Variants in BCAS3 observed in about 807,000 individuals in gnomAD.
BCAS3 encodes BCAS4/BCAS3 fusion.
In BCAS3, 53 loss-of-function variants were observed where a neutral mutation model predicts 116.1. The observed-to-expected ratio is 0.46, with a 90% CI of 0.37 to 0.57. The LOEUF is 0.57. BCAS3 is among the 20% of genes least tolerant of loss of function. The pLI is 0.00. For missense variants in BCAS3, 917 were observed against 1,165.4 expected (o/e 0.79, Z 3.10); for synonymous variants, 391 against 408.2 (o/e 0.96, Z 0.51).
intron 22 of BCAS3, among the ~76,000 whole-genome samples, chr17:61,267,089 G>A (rs566334317): frequency 5.3e-5 from 8 of 152,200 alleles, no homozygotes; most frequent in East Asian, 3.9e-4. Flanking sequence ...ACGGAGTCTC[G>A]CTCTGTCGCC....
intron 22 of BCAS3, among the ~76,000 whole-genome samples, chr17:61,293,565 C>G (rs1354685091): frequency 6.6e-6 from 1 of 152,188 alleles, no homozygotes; most frequent in African/African-American, 2.4e-5. Flanking sequence ...TCTTCATATT[C>G]TGTCACTTGG....
chr17:60,822,100 A>G (rs890412127), intron 7 of BCAS3, among the ~76,000 whole-genome samples: 28 of 152,210 alleles, frequency 1.8e-4, no homozygotes, highest in South Asian at 2.1e-4. Context: ...ATAGACATAC[A>G]TATTTCCTTT....
rs1248324544 is a variant in BCAS3, at chr17:61,265,563, T to C, written c.2426-102764T>C. Among the ~76,000 whole-genome samples, 1 of 152,240 alleles carries C rather than the reference T, an allele frequency of 6.6e-6. No individual in the cohort carries two copies. Among genetic ancestry groups the C allele is most frequent in the Non-Finnish European group, 1.5e-5 (1 of 68,034 alleles). ...TTTCTGCTTCTGTGGGCCTGGTTTC[T>C]ACAATCTTGTTTGGCTACAATTCAT... On this transcript the variant is annotated intron_variant, in intron 22 of 23. Coordinates refer to ENST00000407086, the MANE Select transcript of BCAS3 (RefSeq NM_017679.5). The surrounding 1 kb of genome is among the most constrained non-coding windows in gnomAD (Gnocchi z 4.3).
intron 5 of BCAS3, among the ~76,000 whole-genome samples, chr17:60,717,037 G>T (rs958608549): frequency 1.3e-5 from 2 of 152,078 alleles, no homozygotes; most frequent in Non-Finnish European, 2.9e-5. Flanking sequence ...TAGGGTGGTT[G>T]TTGTTGCTGT....
In BCAS3 at chr17:61,037,430, T is replaced by C. The variant is rs149490797; in HGVS notation, c.1763-459T>C. The stretch of plus-strand genomic sequence containing the variant: ...ATAGACATTTTCATATTCACTAGCA[T>C]GTGCTTATACGAGGCAACCTTTAGG... On this transcript the variant is annotated intron_variant, in intron 17 of 23. Coordinates refer to ENST00000407086, the MANE Select transcript of BCAS3 (RefSeq NM_017679.5). This position sits in a 1 kb window ranked among gnomAD's most constrained non-coding sequence, Gnocchi z 4.7. 1.3e-5 allele frequency among the ~76,000 whole-genome samples: 2 copies of C among 152,338 alleles called. No individual in the cohort carries two copies. The highest frequency in any genetic ancestry group is 6.5e-5 in the Admixed American group (1 of 15,302).
rs1244628575 is a variant in BCAS3 at position 61,162,616 on chromosome 17, A to G, written c.2425+78052A>G. The stretch of plus-strand genomic sequence containing the variant: ...TTTTGGACTCTGCATTTATTTTAGC[A>G]GACTTCCCCAATAACATTTTGCAGT... On this transcript the variant is annotated intron_variant, in intron 22 of 23. Coordinates refer to ENST00000407086, the MANE Select transcript of BCAS3 (RefSeq NM_017679.5). This position sits in a 1 kb window ranked among gnomAD's most constrained non-coding sequence, Gnocchi z 5.6. 6.6e-6 allele frequency among the ~76,000 whole-genome samples: 1 copy of G among 152,200 alleles called. No homozygotes were observed. Among genetic ancestry groups the G allele is most frequent in the Non-Finnish European group, 1.5e-5 (1 of 68,034 alleles).
rs558459812 is a variant in BCAS3, at chr17:61,300,555, A to AAAAAG, written c.2426-67752_2426-67748dup. ...CATCTTGACGCAGTGTTCCTGGCCA[A>AAAAAG]AAAAGAAAAGAAAAGAAAAGAAAAA... On this transcript the variant is annotated intron_variant, in intron 22 of 23. Coordinates refer to ENST00000407086, the MANE Select transcript of BCAS3 (RefSeq NM_017679.5). This position sits in a 1 kb window ranked among gnomAD's most constrained non-coding sequence, Gnocchi z 5.1. Among the ~76,000 whole-genome samples the AAAAAG allele has an allele frequency of 2.8e-4, 43 of 152,260 alleles. No individual in the cohort carries two copies. Among genetic ancestry groups the AAAAAG allele is most frequent in the Middle Eastern group, 6.8e-3 (2 of 294 alleles).
intron 6 of BCAS3, among the ~76,000 whole-genome samples, chr17:60,795,220 G>A (rs1238521001): frequency 6.6e-6 from 1 of 151,966 alleles, no homozygotes; most frequent in Non-Finnish European, 1.5e-5. Flanking sequence ...TCTCTTCTTG[G>A]TCGCTGTTGG....
chr17:61,331,221 G>A (rs1169753960), intron 22 of BCAS3, among the ~76,000 whole-genome samples: 1 of 152,184 alleles, frequency 6.6e-6, no homozygotes, highest in African/African-American at 2.4e-5. Context: ...GGCTAGAGTG[G>A]GAGGGGGGCT....
In BCAS3 at chr17:61,315,421, C is replaced by T. The variant is rs143749140; in HGVS notation, c.2426-52906C>T. On this transcript the variant is annotated intron_variant, in intron 22 of 23. Transcript: ENST00000407086. The surrounding 1 kb of genome is among the most constrained non-coding windows in gnomAD (Gnocchi z 5.3). ...GGTGTGAGCCACCGCGCCCAGCCAACGCACTCCTGTTCTGAGACACGGGAG... is the reference window on the plus strand; with the variant it reads ...GGTGTGAGCCACCGCGCCCAGCCAATGCACTCCTGTTCTGAGACACGGGAG... Among the ~76,000 whole-genome samples the T allele has an allele frequency of 3.3e-4, 51 of 152,298 alleles. No individual in the cohort carries two copies. The East Asian group carries it at 5.8e-3, about 17-fold the overall frequency.
chr17:61,373,866 C>T (rs1353190106), intron 23 of BCAS3, among the ~76,000 whole-genome samples: 6 of 131,588 alleles, frequency 4.6e-5, no homozygotes, highest in Non-Finnish European at 6.2e-5. Flanking sequence ...GGTGCGATCT[C>T]GGCTCACTGC....
intron 13 of BCAS3, among the ~76,000 whole-genome samples, chr17:60,933,611 T>C (rs934896012): frequency 6.6e-6 from 1 of 152,208 alleles, no homozygotes; most frequent in African/African-American, 2.4e-5. Flanking sequence ...GATTGTGGTC[T>C]TGGGTTAATT....
chr17:61,076,869 A>G lies in BCAS3; in HGVS notation c.2131-1464A>G, dbSNP rs183437365. ...GAGCATTTTTCTCCCTGTGATTAGTAGGAATGTGAATATTGTTCCAAAGAC... is the reference window on the plus strand; with the variant it reads ...GAGCATTTTTCTCCCTGTGATTAGTGGGAATGTGAATATTGTTCCAAAGAC... On this transcript the variant is annotated intron_variant, in intron 20 of 23. Transcript: ENST00000407086. Among the ~76,000 whole-genome samples the G allele has an allele frequency of 1.4e-3, 212 of 152,336 alleles. 1 individual carries two copies. Among genetic ancestry groups the G allele is most frequent in the African/African-American group, 4.4e-3 (181 of 41,572 alleles).
At chr17:60,958,310 A>G (rs1344721774) in intron 14 of BCAS3, among the ~76,000 whole-genome samples, 3 of 152,276 alleles carry the variant, frequency 2.0e-5, no homozygotes, top group Non-Finnish European at 2.9e-5. Context: ...CTTTTATTCA[A>G]AAATGACATG....
chr17:61,216,078 C>G (rs534334030), intron 22 of BCAS3, among the ~76,000 whole-genome samples: 4 of 152,108 alleles, frequency 2.6e-5, no homozygotes, highest in African/African-American at 9.6e-5. Context: ...AGATTTTATT[C>G]CATACTAATT....
intron 7 of BCAS3, among the ~76,000 whole-genome samples, chr17:60,865,681 T>TA (rs1466033237): frequency 6.6e-6 from 1 of 152,262 alleles, no homozygotes; most frequent in Non-Finnish European, 1.5e-5. Flanking sequence ...TAGATAATGT[T>TA]ATCTATAAAT....
chr17:61,153,137 C>T (rs1406969429), intron 22 of BCAS3, among the ~76,000 whole-genome samples: 2 of 152,182 alleles, frequency 1.3e-5, no homozygotes, highest in Non-Finnish European at 2.9e-5. Flanking sequence ...TGCCTGTCTC[C>T]CATTACCTCA....
At chr17:60,856,083 C>G (rs2053648034) in intron 7 of BCAS3, among the ~76,000 whole-genome samples, 1 of 152,164 alleles carries the variant, frequency 6.6e-6, no homozygotes. Flanking sequence ...TCAAGAAGGC[C>G]ATGTCCGAGG....
chr17:61,086,285 G>C (rs372851311), intron 22 of BCAS3, among the ~76,000 whole-genome samples: 1 of 152,036 alleles, frequency 6.6e-6, no homozygotes. Flanking sequence ...TAGAGATGGG[G>C]TTTCACCTTG....
Sources: gnomAD v4.1 joint callset for allele counts (sites outside exome capture counted in the v4.1 genomes callset) on GRCh38, gnomAD v4.1.1 for gene constraint, Gnocchi (gnomAD v3.1) non-coding constraint, MANE v1.5 for transcripts, NCBI Gene and HGNC (gene_info 2026-07-23, HGNC 2026-07-21) for gene names.